DCC: variants seen among roughly 807,000 people sequenced by gnomAD.
DCC encodes the protein DCC netrin 1 receptor.
A neutral mutation model predicts 172.5 loss-of-function variants in DCC; 58 were observed. The observed-to-expected ratio is 0.34, with a 90% CI of 0.27 to 0.42. The LOEUF (loss-of-function observed/expected upper bound fraction) is 0.42. Ranked by LOEUF, DCC falls within the 10% of genes least tolerant of loss-of-function variation. DCC has a pLI of 1.00. For missense variants in DCC, 1,740 were observed against 1,791.0 expected, an observed-to-expected ratio of 0.97 and a Z score of 0.51; for synonymous variants, 709 against 644.5, an observed-to-expected ratio of 1.10 and a Z score of -1.52.
chr18:52,478,191 T>C lies in DCC; in HGVS notation c.91+137313T>C, dbSNP rs114374741. ...ATGAAATTTGTTACTTAGAGATTAA[T>C]TTCTCTTGATTTTTTATGTTGACAT... On this transcript the variant is annotated intron_variant, in intron 1 of 28. Transcript: ENST00000442544. 2.7e-3 allele frequency among the ~76,000 whole-genome samples: 409 copies of C among 151,954 alleles called. 3 individuals carry two copies. Among genetic ancestry groups the C allele is most frequent in the African/African-American group, 9.6e-3 (397 of 41,218 alleles).
chr18:53,173,987 C>A (rs1166927920), intron 8 of DCC, among the ~76,000 whole-genome samples: 1 of 82,072 alleles, frequency 1.2e-5, no homozygotes, highest in Non-Finnish European at 2.3e-5. Context: ...ATCTCTCAGA[C>A]CACAGTGCAA....
intron 7 of DCC, among the ~76,000 whole-genome samples, chr18:53,145,433 T>G (rs73457585): frequency 0.037 from 5,633 of 152,158 alleles, 122 homozygotes; most frequent in East Asian, 0.11. Flanking sequence ...CTTTTATGAG[T>G]GCGATTCATG....
At chr18:53,155,879 T>G (rs2054724147) in intron 7 of DCC, among the ~76,000 whole-genome samples, 1 of 152,124 alleles carries the variant, frequency 6.6e-6, no homozygotes, top group South Asian at 2.1e-4. Flanking sequence ...ATACACAAAT[T>G]AGCCGGGTGT....
chr18:52,506,441 C>A (rs2031233608), intron 1 of DCC, among the ~76,000 whole-genome samples: 1 of 151,982 alleles, frequency 6.6e-6, no homozygotes, highest in African/African-American at 2.4e-5. Context: ...ATAAAAGGTA[C>A]ACAAACACCG....
chr18:52,945,994 G>T (rs2040539087), intron 5 of DCC, among the ~76,000 whole-genome samples: 1 of 152,154 alleles, frequency 6.6e-6, no homozygotes, highest in South Asian at 2.1e-4. Context: ...TTCCCTGCTA[G>T]AGGAACATGT....
chr18:53,031,832 A>G (rs2042029790), intron 5 of DCC, among the ~76,000 whole-genome samples: 1 of 152,108 alleles, frequency 6.6e-6, no homozygotes, highest in African/African-American at 2.4e-5. Flanking sequence ...ATTGAAAATT[A>G]AAAATCATTT....
At chr18:52,617,307 G>A (rs1232148462) in intron 1 of DCC, among the ~76,000 whole-genome samples, 1 of 152,060 alleles carries the variant, frequency 6.6e-6, no homozygotes, top group Non-Finnish European at 1.5e-5. Flanking sequence ...GGAGTTGAGG[G>A]CACTCACTCT....
At chr18:52,556,797 G>A (rs938098666) in intron 1 of DCC, among the ~76,000 whole-genome samples, 3 of 151,870 alleles carry the variant, frequency 2.0e-5, no homozygotes, top group African/African-American at 4.8e-5. Flanking sequence ...TGGTGCCGCC[G>A]TCTCACCTTT....
intron 8 of DCC, among the ~76,000 whole-genome samples, chr18:53,163,474 G>T (rs1598863776): frequency 6.6e-6 from 1 of 152,128 alleles, no homozygotes; most frequent in Non-Finnish European, 1.5e-5. Flanking sequence ...GTTCATGTAG[G>T]TTTATTTAGC....
intron 21 of DCC, among the ~76,000 whole-genome samples, chr18:53,432,584 T>A (rs1911686521): frequency 6.6e-6 from 1 of 152,098 alleles, no homozygotes; most frequent in African/African-American, 2.4e-5. Context: ...ACTAAACACA[T>A]CCAATATTTG....
At chr18:52,595,775 T>C (rs1483548759) in intron 1 of DCC, among the ~76,000 whole-genome samples, 1 of 152,216 alleles carries the variant, frequency 6.6e-6, no homozygotes, top group Non-Finnish European at 1.5e-5. Flanking sequence ...TGTGAAGCCA[T>C]AGATTTCTGG....
At chr18:52,570,028 A>G (rs995449070) in intron 1 of DCC, among the ~76,000 whole-genome samples, 4 of 152,330 alleles carry the variant, frequency 2.6e-5, no homozygotes, top group Non-Finnish European at 5.9e-5. Context: ...GGATCCTAGT[A>G]TGAGTGAACT....
chr18:53,382,615 T>C (rs764932660), intron 15 of DCC, among the ~76,000 whole-genome samples: 1 of 152,168 alleles, frequency 6.6e-6, no homozygotes, highest in African/African-American at 2.4e-5. Context: ...CCCAGAATTA[T>C]ATTAGTAACC....
intron 3 of DCC, among the ~76,000 whole-genome samples, chr18:52,921,902 C>T (rs994592450): frequency 9.9e-5 from 15 of 151,398 alleles, no homozygotes; most frequent in African/African-American, 1.9e-4. Context: ...ACATTTCTAC[C>T]GAGGAGCAGA....
At chr18:53,082,445 T>G (rs900311010) in intron 7 of DCC, among the ~76,000 whole-genome samples, 8 of 152,126 alleles carry the variant, frequency 5.3e-5, no homozygotes, top group African/African-American at 1.9e-4. Context: ...TAATTTTCAC[T>G]GTCATATACA....
At chr18:52,677,766 C>CT (rs1455856495) in intron 1 of DCC, among the ~76,000 whole-genome samples, 1 of 152,130 alleles carries the variant, frequency 6.6e-6, no homozygotes, top group Non-Finnish European at 1.5e-5. Flanking sequence ...CTGCCACACT[C>CT]TGTTGTTTTT....
intron 1 of DCC, among the ~76,000 whole-genome samples, chr18:52,450,875 CA>C (rs914919799): frequency 9.2e-5 from 14 of 151,842 alleles, no homozygotes; most frequent in Non-Finnish European, 1.9e-4. Flanking sequence ...GAAAATTAAC[CA>C]AAAAAATCCA....
rs140440333 is a variant in DCC at position 53,017,559 on chromosome 18, A to T, written c.986-45746A>T. Among the ~76,000 whole-genome samples, 215 of 152,318 alleles carry T rather than the reference A, an allele frequency of 1.4e-3. 1 individual carries two copies. The highest frequency in any genetic ancestry group is 4.9e-3 in the African/African-American group (202 of 41,578). ...AATTCTAAGTCTGTAGTTACTGGGT[A>T]CAGGATGCAGTCTTAAACTGGGATT... On this transcript the variant is annotated intron_variant, in intron 5 of 28. Transcript: ENST00000442544.
chr18:53,138,168 A>G (rs567728849), intron 7 of DCC, among the ~76,000 whole-genome samples: 1 of 152,048 alleles, frequency 6.6e-6, no homozygotes, highest in South Asian at 2.1e-4. Flanking sequence ...TACTGGTTTA[A>G]TTTTTATAAA....
Sources: allele counts gnomAD v4.1 joint callset (sites outside exome capture counted in the v4.1 genomes callset), GRCh38; gene constraint gnomAD v4.1.1; transcripts MANE v1.5; gene names NCBI Gene and HGNC (gene_info 2026-07-23, HGNC 2026-07-21).